Variants in ARHGAP4 observed in about 807,000 individuals in gnomAD.
ARHGAP4 encodes rho GTPase-activating protein 4.
ARHGAP4 carries 25 observed loss-of-function variants against 67.6 expected under a neutral mutation model. That is an observed-to-expected ratio of 0.37 (90% confidence interval 0.27 to 0.52). The LOEUF (loss-of-function observed/expected upper bound fraction) is 0.52, where lower values mean the gene tolerates loss of function less well. Among genes scored for constraint, ARHGAP4 ranks in the 20% least tolerant of loss-of-function variants. The pLI is 0.92. For synonymous variants in ARHGAP4, 448 were observed against 373.7 expected, an observed-to-expected ratio of 1.20 and a Z score of -2.29; for missense variants, 804 against 854.6, an observed-to-expected ratio of 0.94 and a Z score of 0.74.
chrX:153,922,940 C>A (rs2065105299), intron 1 of ARHGAP4, among the ~76,000 whole-genome samples: 1 of 110,992 alleles, frequency 9.0e-6, no homozygotes, highest in Non-Finnish European at 1.9e-5. Context: ...AAGATCAGAG[C>A]CAGGGGTGGG....
chrX:153,909,284 C>G, intron 20 of ARHGAP4, 115 bp from the exon 21 acceptor site: 1 of 882,616 alleles, frequency 1.1e-6, no homozygotes, highest in Non-Finnish European at 1.6e-6. Flanking sequence ...CCAGTGGTCC[C>G]CAAGCTCCTC....
intron 5 of ARHGAP4, chrX:153,919,745 A>G: frequency 9.5e-7 from 1 of 1,051,421 alleles, no homozygotes; most frequent in Non-Finnish European, 1.2e-6. Context: ...CATGAAACAG[A>G]ACCTGCTGGC....
At chrX:153,910,137 C>A (rs781949011) in intron 17 of ARHGAP4, 34 bp downstream of exon 17, 1 of 1,207,497 alleles carries the variant, frequency 8.3e-7, no homozygotes, top group Non-Finnish European at 1.1e-6. Flanking sequence ...CTCCAGTGGA[C>A]CCCCCAGTCC....
chrX:153,914,229 G>A (rs2065040218), intron 7 of ARHGAP4: 2 of 245,701 alleles, frequency 8.1e-6, no homozygotes, highest in African/African-American at 5.6e-5. Flanking sequence ...GGTGCCAGCT[G>A]GAGCAGTGGG....
intron 10 of ARHGAP4, 59 bp from the exon 11 acceptor site, chrX:153,913,110 G>C (rs1211250570): frequency 5.5e-5 from 64 of 1,166,568 alleles, no homozygotes; most frequent in Admixed American, 7.7e-5. Context: ...AGGCATCCCA[G>C]AGAGAAAGGT....
chrX:153,918,697 A>T, intron 7 of ARHGAP4, 135 bp downstream of exon 7: 1 of 704,413 alleles, frequency 1.4e-6, no homozygotes, highest in Non-Finnish European at 2.1e-6. Context: ...GAAGTGGGAC[A>T]CTTCTCTAGC....
In ARHGAP4 at chrX:153,912,400, G is replaced by A. The variant is rs192039315; in HGVS notation, c.1542+300C>T. Among the ~76,000 whole-genome samples, 322 of 111,813 alleles carry A rather than the reference G, an allele frequency of 2.9e-3. 4 individuals are homozygous for A. Among genetic ancestry groups the A allele is most frequent in the Non-Finnish European group, 3.7e-3 (199 of 53,160 alleles). On this transcript the variant is annotated intron_variant, in intron 12 of 21. Coordinates refer to ENST00000350060, the MANE Select transcript of ARHGAP4 (RefSeq NM_001666.5). ...CTTATTTCACTGTCCAGGACCCCCAGTACCATGCTGGCCAGAAGTCGCAGG... is the reference window on the plus strand; with the variant it reads ...CTTATTTCACTGTCCAGGACCCCCAATACCATGCTGGCCAGAAGTCGCAGG...
intron 21 of ARHGAP4, 140 bp from the exon 22 acceptor site, chrX:153,908,102 C>A (rs2064984567): frequency 4.9e-6 from 2 of 412,342 alleles, no homozygotes. Context: ...GTCACTCTCC[C>A]CCACTTTGCA....
In ARHGAP4 at chrX:153,907,633, A is replaced by G; in HGVS notation, c.*96T>C. The G allele has an allele frequency of 2.5e-6, 1 of 405,442 alleles. No homozygotes were observed. Among genetic ancestry groups the G allele is most frequent in the Non-Finnish European group, 4.0e-6 (1 of 252,728 alleles). 33.4% of individuals were successfully genotyped at this position (405,442 alleles called of 1,213,427 possible). A position where few individuals can be genotyped will look rare whatever the true frequency, so the allele number is the denominator to read the frequency against. On this transcript the variant is annotated 3_prime_UTR_variant, in exon 22 of 22. Transcript: ENST00000350060. ...ACAGGGTGAAGTGCAGGCACCCTGC[A>G]CTTGCTGGACAGGGCTGGAGAGAAG...
At chrX:153,920,840 G>C (rs372182033) in intron 4 of ARHGAP4, 32 bp from the exon 5 acceptor site, 5 of 1,206,922 alleles carry the variant, frequency 4.1e-6, no homozygotes, top group South Asian at 1.8e-5. Flanking sequence ...GGTGGTGCTG[G>C]TGAAGGCCAC....
chrX:153,924,330 G>T (rs986492024), intron 1 of ARHGAP4, among the ~76,000 whole-genome samples: 1 of 111,587 alleles, frequency 9.0e-6, no homozygotes, highest in Non-Finnish European at 1.9e-5. Flanking sequence ...CATGCACACC[G>T]GCTGGTGTTG....
At chrX:153,915,818 G>A (rs915987777) in intron 7 of ARHGAP4, among the ~76,000 whole-genome samples, 4 of 111,625 alleles carry the variant, frequency 3.6e-5, no homozygotes, top group African/African-American at 9.8e-5. Context: ...CATACTCTGG[G>A]GAACATTGAA....
Position 153,909,772 on chromosome X carries a change from T to C in ARHGAP4, c.2383A>G (p.Ile795Val), listed in dbSNP as rs782808131. ...GGCAGCGTGATATACTTGTGGGGGATGAGGCCCCGCATGCCGTTGTGCTCC... is the reference window on the plus strand; with the variant it reads ...GGCAGCGTGATATACTTGTGGGGGACGAGGCCCCGCATGCCGTTGTGCTCC... The part of the protein sequence containing the change: ...RGEHNGMRGL[I>V]PHKYITLPAG... The change falls in exon 19 of 22, where the codon ATC becomes GTC. Residue 795 changes from isoleucine (I) to valine (V), a missense_variant. Transcript: ENST00000350060. 2.5e-6 allele frequency: 3 copies of C among 1,200,902 alleles called. No individual in the cohort carries two copies. In the South Asian group the frequency reaches 5.4e-5, roughly 22 times the overall value.
At chrX:153,924,887 G>C (rs1172510268) in intron 1 of ARHGAP4, among the ~76,000 whole-genome samples, 2 of 112,196 alleles carry the variant, frequency 1.8e-5, no homozygotes, top group Non-Finnish European at 1.9e-5. Context: ...CCGCTATGCT[G>C]ACCTTTGAGA....
rs10710691 is a variant in ARHGAP4 at position 153,911,252 on chromosome X, C to CTT, written c.1543-65_1543-64dup. ...CATGCCCTGTGTTGTCATTCAATTG[C>CTT]TTTTTTTTTTTTTTTTTTTTTTTGA... is the stretch of plus-strand genomic sequence containing the variant. On this transcript the variant is annotated intron_variant, in intron 12 of 21. Transcript: ENST00000350060. The CTT allele has an allele frequency of 4.5e-3, 1,884 of 419,159 alleles. 1 individual carries two copies. Among genetic ancestry groups the CTT allele is most frequent in the African/African-American group, 8.9e-3 (222 of 24,816 alleles). 34.5% of individuals were successfully genotyped at this position (419,159 alleles called of 1,213,427 possible). A position where few individuals can be genotyped will look rare whatever the true frequency, so the allele number is the denominator to read the frequency against.
chrX:153,911,364 A>G (rs782428189), intron 12 of ARHGAP4, among the ~76,000 whole-genome samples, 175 bp from the exon 13 acceptor site: 1 of 102,507 alleles, frequency 9.8e-6, no homozygotes, highest in East Asian at 3.0e-4. Flanking sequence ...CTCAAGTGAT[A>G]CTCCTGCCTC....
intron 5 of ARHGAP4, chrX:153,920,297 T>C: frequency 3.7e-6 from 1 of 272,641 alleles, no homozygotes; most frequent in Non-Finnish European, 6.5e-6. Context: ...TCGAAGGCCC[T>C]TTCTCCGTGC....
rs782681117 is a variant in ARHGAP4 at position 153,910,955 on chromosome X, G to A, written c.1648C>T (p.Arg550Trp). 21 of 970,754 alleles carry A rather than the reference G, an allele frequency of 2.2e-5. No individual in the cohort carries two copies. The highest frequency in any genetic ancestry group is 9.5e-5 in the African/African-American group (4 of 42,159). 80.0% of individuals were successfully genotyped at this position (970,754 alleles called of 1,213,427 possible). ...GIFRVSGAQL[R>W]VSEIRDAFER... ...AAGGCATCACGGATCTCTGAGACCC[G>A]GAGCTGGGCACCCGATACCCGGAAG... Residue 550 changes from arginine to tryptophan, a missense_variant, in exon 14 of 22, where the codon CGG becomes TGG. By Grantham distance (101) the Arg-to-Trp change is moderately radical (BLOSUM62 -3). Around this residue, in one of 2 missense-constraint regions of ARHGAP4, gnomAD observed 404 missense variants for 505.9 expected, o/e 0.80. Coordinates refer to ENST00000350060, the MANE Select transcript of ARHGAP4 (RefSeq NM_001666.5).
chrX:153,911,977 T>C (rs1189048619), intron 12 of ARHGAP4, among the ~76,000 whole-genome samples: 2 of 112,053 alleles, frequency 1.8e-5, no homozygotes, highest in African/African-American at 6.5e-5. Context: ...GTTGATTCTT[T>C]TGAATATGCT....
Sources: allele counts gnomAD v4.1 joint callset (sites outside exome capture counted in the v4.1 genomes callset), GRCh38; gene constraint gnomAD v4.1.1; regional missense constraint gnomAD v4.1.1; transcripts MANE v1.5; gene names NCBI Gene and HGNC (gene_info 2026-07-23, HGNC 2026-07-21).